PDE4D: variants seen among roughly 807,000 people sequenced by gnomAD.
The protein encoded by PDE4D is 3',5'-cyclic-AMP phosphodiesterase 4D.
Under a neutral mutation model 87.4 loss-of-function variants are expected in PDE4D, and 24 were observed. That is an observed-to-expected ratio of 0.27 (90% confidence interval 0.20 to 0.39). The LOEUF (loss-of-function observed/expected upper bound fraction) is 0.39, where lower values mean the gene tolerates loss of function less well. PDE4D is among the 10% of genes least tolerant of loss of function. The pLI is 1.00. For synonymous variants in PDE4D, 384 were observed against 383.2 expected (o/e 1.00, Z -0.02); for missense variants, 714 against 1,041.0 (o/e 0.69, Z 4.32).
Position 58,970,011 on chromosome 5 carries a change from GC to G in PDE4D, c.*4652del, listed in dbSNP as rs1198843865. Reference sequence around the variant, plus strand: ...CCACGTTCAGTATCCTAAGAGACATGCTGATTGAACTATAATTTAAAATGAA... The same window carrying G: ...CCACGTTCAGTATCCTAAGAGACATGTGATTGAACTATAATTTAAAATGAA... On this transcript the variant is annotated 3_prime_UTR_variant, in exon 15 of 15. Coordinates refer to ENST00000340635, the MANE Select transcript of PDE4D (RefSeq NM_001104631.2). The G allele has an allele frequency of 1.3e-5, 2 of 152,084 alleles. No individual in the cohort carries two copies. Among genetic ancestry groups the G allele is most frequent in the African/African-American group, 4.8e-5 (2 of 41,426 alleles). 9.4% of individuals were successfully genotyped at this position (152,084 alleles called of 1,614,324 possible). A position where few individuals can be genotyped will look rare whatever the true frequency, so the allele number is the denominator to read the frequency against.
intron 1 of PDE4D, among the ~76,000 whole-genome samples, chr5:59,440,643 G>C (rs1797473068): frequency 6.6e-6 from 1 of 152,306 alleles, no homozygotes; most frequent in African/African-American, 2.4e-5. Context: ...GTGCATAGTG[G>C]TGTATGCCTC....
chr5:59,491,148 T>C (rs974783794), intron 1 of PDE4D, among the ~76,000 whole-genome samples: 1 of 152,250 alleles, frequency 6.6e-6, no homozygotes, highest in Non-Finnish European at 1.5e-5. Context: ...GATGATTATG[T>C]ATGTGATTTT....
chr5:58,976,238 G>T, intron 13 of PDE4D, 112 bp downstream of exon 13: 1 of 1,177,474 alleles, frequency 8.5e-7, no homozygotes, highest in Non-Finnish European at 1.1e-6. Context: ...TACAATTGCT[G>T]AAAGTATAAG....
chr5:58,973,674 T>TAAC lies in PDE4D; in HGVS notation c.*987_*989dup, dbSNP rs895229530. ...CATGAAGCTTAAGACACATTTGATATAACACACATAAAAGTATTATAGAAC... is the reference window on the plus strand; with the variant it reads ...CATGAAGCTTAAGACACATTTGATATAACAACACACATAAAAGTATTATAGAAC... On this transcript the variant is annotated 3_prime_UTR_variant, in exon 15 of 15. Transcript: ENST00000340635. 3.3e-5 allele frequency: 5 copies of TAAC among 152,576 alleles called. No homozygotes were observed. Among genetic ancestry groups the TAAC allele is most frequent in the African/African-American group, 1.2e-4 (5 of 41,438 alleles). 9.5% of individuals were successfully genotyped at this position (152,576 alleles called of 1,614,324 possible).
chr5:59,098,954 T>A (rs1053792736), intron 5 of PDE4D, among the ~76,000 whole-genome samples: 1 of 152,110 alleles, frequency 6.6e-6, no homozygotes, highest in African/African-American at 2.4e-5. Context: ...AGTGAGTGCT[T>A]CTAGGCAGGA....
At chr5:59,055,694 G>A (rs1303469785) in intron 5 of PDE4D, among the ~76,000 whole-genome samples, 4 of 152,180 alleles carry the variant, frequency 2.6e-5, no homozygotes, top group Non-Finnish European at 4.4e-5. Flanking sequence ...GAGATTCAGG[G>A]TGATGAGTCC....
chr5:59,124,315 T>C (rs1229091860), intron 5 of PDE4D, among the ~76,000 whole-genome samples: 1 of 152,222 alleles, frequency 6.6e-6, no homozygotes, highest in Non-Finnish European at 1.5e-5. Context: ...ATAAAAAGTC[T>C]TGCTGTAAAA....
intron 5 of PDE4D, among the ~76,000 whole-genome samples, chr5:59,063,662 G>A (rs1763472650): frequency 6.6e-6 from 1 of 152,078 alleles, no homozygotes; most frequent in Admixed American, 6.6e-5. Flanking sequence ...ATGGATATAC[G>A]TGATCAAAAA....
At chr5:59,975,103 CT>C (rs1274034857) in intron 3 of PDE4D, among the ~76,000 whole-genome samples, 2 of 152,194 alleles carry the variant, frequency 1.3e-5, no homozygotes, top group African/African-American at 4.8e-5. Context: ...CGTTTGACAT[CT>C]ATGCCAATCA....
chr5:59,256,932 T>C (rs1448931542), intron 1 of PDE4D, among the ~76,000 whole-genome samples: 1 of 152,032 alleles, frequency 6.6e-6, no homozygotes, highest in Non-Finnish European at 1.5e-5. Flanking sequence ...AAGTAGCTTC[T>C]CTTTGTATCA....
chr5:59,780,403 A>G (rs1178428949), intron 1 of PDE4D, among the ~76,000 whole-genome samples: 1 of 152,220 alleles, frequency 6.6e-6, no homozygotes, highest in African/African-American at 2.4e-5. Context: ...CTCTTTAACA[A>G]TTTTAGTTGA....
At chr5:59,561,437 TTCTTG>T (rs1300764741) in intron 1 of PDE4D, among the ~76,000 whole-genome samples, 1 of 152,210 alleles carries the variant, frequency 6.6e-6, no homozygotes, top group South Asian at 2.1e-4. Context: ...TGTCTAAAGT[TTCTTG>T]TCTTAGTAAA....
intron 1 of PDE4D, among the ~76,000 whole-genome samples, chr5:60,459,002 T>TTG (rs397788791): frequency 2.7e-5 from 4 of 150,182 alleles, no homozygotes; most frequent in African/African-American, 7.4e-5. Context: ...TGTGTGTGTG[T>TTG]TGTGTGTGTG....
intron 1 of PDE4D, among the ~76,000 whole-genome samples, chr5:60,275,627 A>G (rs1228600651): frequency 6.6e-6 from 1 of 151,626 alleles, no homozygotes; most frequent in Non-Finnish European, 1.5e-5. Flanking sequence ...TGTATAAATT[A>G]TTTTTCCCCA....
intron 1 of PDE4D, among the ~76,000 whole-genome samples, chr5:60,241,271 C>CTTTT (rs371953042): frequency 7.2e-5 from 7 of 96,986 alleles, no homozygotes; most frequent in South Asian, 3.8e-4. Context: ...CTCTCTCTCT[C>CTTTT]TTTTTTTTTT....
At chr5:60,137,559 T>C (rs1780160035) in intron 2 of PDE4D, among the ~76,000 whole-genome samples, 1 of 152,212 alleles carries the variant, frequency 6.6e-6, no homozygotes, top group South Asian at 2.1e-4. Context: ...ATTTTTTTTT[T>C]CATATGTTTG....
At chr5:59,516,636 T>C (rs1003866253) in intron 1 of PDE4D, among the ~76,000 whole-genome samples, 1 of 152,094 alleles carries the variant, frequency 6.6e-6, no homozygotes, top group Admixed American at 6.6e-5. Context: ...TCAAGAGAAA[T>C]TGCAGAATAT....
chr5:59,859,936 G>A (rs1266608420), intron 1 of PDE4D, among the ~76,000 whole-genome samples: 1 of 152,218 alleles, frequency 6.6e-6, no homozygotes, highest in Non-Finnish European at 1.5e-5. Context: ...TGCAGGGATT[G>A]TAGTTGGAAG....
At chr5:60,203,792 A>G (rs1030463145) in intron 1 of PDE4D, among the ~76,000 whole-genome samples, 4 of 152,178 alleles carry the variant, frequency 2.6e-5, no homozygotes, top group Non-Finnish European at 1.5e-5. Flanking sequence ...ATAGGATGTA[A>G]TATTTATGCC....
Sources: allele counts gnomAD v4.1 joint callset (sites outside exome capture counted in the v4.1 genomes callset), GRCh38; gene constraint gnomAD v4.1.1; transcripts MANE v1.5; gene names NCBI Gene and HGNC (gene_info 2026-07-23, HGNC 2026-07-21).